KCTD14: variants seen among roughly 807,000 people sequenced by gnomAD.
The protein encoded by KCTD14 is potassium channel tetramerization domain containing 14.
Under a neutral mutation model 5.9 loss-of-function variants are expected in KCTD14, and 7 were observed. The ratio of observed to expected loss-of-function variants is 1.19; its 90% CI spans 0.68 to 2.23. KCTD14 has a LOEUF of 2.23. Among genes scored for constraint, KCTD14 ranks in the 30% most tolerant of loss-of-function variants. KCTD14 has a pLI of 0.00. For synonymous variants in KCTD14, 140 were observed against 133.1 expected (o/e 1.05, Z -0.36); for missense variants, 342 against 332.2 (o/e 1.03, Z -0.23).
chr11:78,042,211 A>G (rs1361048141), intron 1 of KCTD14, among the ~76,000 whole-genome samples: 1 of 152,216 alleles, frequency 6.6e-6, no homozygotes, highest in Non-Finnish European at 1.5e-5. Context: ...TTTCGTTCAT[A>G]GTTTAAATGA....
chr11:78,041,860 G>A (rs982220407), intron 1 of KCTD14, among the ~76,000 whole-genome samples: 1 of 152,166 alleles, frequency 6.6e-6, no homozygotes, highest in African/African-American at 2.4e-5. Context: ...CATCCTAATC[G>A]AGCTGAACAC....
chr11:78,016,642 C>A lies in KCTD14; in HGVS notation c.719G>T (p.Arg240Ile), dbSNP rs548249656. The A allele has an allele frequency of 6.2e-7, 1 of 1,614,176 alleles. No individual in the cohort carries two copies. The highest frequency in any genetic ancestry group is 8.5e-7 in the Non-Finnish European group (1 of 1,180,020). Residue 240 changes from arginine (R) to isoleucine (I), a missense_variant, in exon 2 of 2, where the codon AGA (arginine) becomes ATA (isoleucine). Physicochemically the swap from Arg to Ile is moderately conservative, Grantham distance 97 (BLOSUM62 -3). Coordinates refer to ENST00000353172, the MANE Select transcript of KCTD14 (RefSeq NM_023930.4). ...SKFYLTYPTK[R>I]NEFHFNIYSF... ...ATAAATGTTAAAATGGAATTCGTTT[C>A]TTTTGGTGGGGTACGTCAGGTAGAA...
chr11:78,038,175 G>A (rs1389477731), intron 2 of KCTD14, among the ~76,000 whole-genome samples: 21 of 152,104 alleles, frequency 1.4e-4, no homozygotes. Flanking sequence ...AGGACAGAAC[G>A]AAGTAGCCAA....
intron 2 of KCTD14, among the ~76,000 whole-genome samples, chr11:78,031,028 C>T (rs909340658): frequency 6.6e-6 from 1 of 151,122 alleles, no homozygotes; most frequent in East Asian, 1.9e-4. Context: ...TTCAGAATAA[C>T]GCTGATAGCA....
At chr11:78,042,997 G>C (rs1262752005) in intron 1 of KCTD14, among the ~76,000 whole-genome samples, 2 of 152,240 alleles carry the variant, frequency 1.3e-5, no homozygotes, top group Middle Eastern at 3.2e-3. Context: ...CTGCACACAT[G>C]GTTGACAAAG....
At chr11:78,021,610 G>A (rs949360862) in intron 1 of KCTD14, among the ~76,000 whole-genome samples, 1 of 152,030 alleles carries the variant, frequency 6.6e-6, no homozygotes, top group African/African-American at 2.4e-5. Flanking sequence ...ATACAGACAG[G>A]GTTTTGCCAT....
chr11:78,021,883 G>A (rs1481954715), intron 1 of KCTD14, among the ~76,000 whole-genome samples: 1 of 152,144 alleles, frequency 6.6e-6, no homozygotes, highest in Non-Finnish European at 1.5e-5. Context: ...TACCAGAACT[G>A]CCTGCTGCTC....
chr11:78,022,675 T>C (rs992602839), intron 1 of KCTD14, among the ~76,000 whole-genome samples: 16 of 151,708 alleles, frequency 1.1e-4, no homozygotes, highest in African/African-American at 3.1e-4. Context: ...GCAGAGGGAT[T>C]TGGGACCCAG....
At chr11:78,041,422 C>T (rs1857989728) in intron 1 of KCTD14, among the ~76,000 whole-genome samples, 1 of 152,190 alleles carries the variant, frequency 6.6e-6, no homozygotes, top group South Asian at 2.1e-4. Context: ...TACAACTTAG[C>T]TCACATGGGA....
chr11:78,032,965 T>G (rs776516877), intron 2 of KCTD14, among the ~76,000 whole-genome samples: 11 of 152,062 alleles, frequency 7.2e-5, no homozygotes, highest in Non-Finnish European at 1.6e-4. Context: ...TACAGGCCTA[T>G]CCCATGATGC....
chr11:78,038,698 AAC>A, exon 2 of KCTD14: 2 of 1,535,762 alleles, frequency 1.3e-6, no homozygotes, highest in Non-Finnish European at 1.7e-6. Flanking sequence ...CCCCACAGCA[AAC>A]ACAGCAGGGG....
In KCTD14 at chr11:78,016,673, A is replaced by G. The variant is rs775415457; in HGVS notation, c.688T>C (p.Ser230Pro). 14 of 1,614,056 alleles carry G rather than the reference A, an allele frequency of 8.7e-6. No individual in the cohort carries two copies. In the Admixed American group the frequency reaches 2.0e-4, roughly 23 times the overall value. The change falls in exon 2 of 2, where the codon TCC becomes CCC. Residue 230 changes from serine (S) to proline (P), a missense_variant. Ser to Pro is a moderately conservative substitution (Grantham distance 74). Coordinates refer to ENST00000353172, the MANE Select transcript of KCTD14 (RefSeq NM_023930.4). ...GTGGGGTACGTCAGGTAGAACTTGG[A>G]GAATACCTTGTACCCCTGGGCCTTA... is the stretch of plus-strand genomic sequence containing the variant. ...DIKAQGYKVF[S>P]KFYLTYPTKR...
In KCTD14 at chr11:78,016,662, G is replaced by A. The variant is rs1857172391; in HGVS notation, c.699C>T (p.Tyr233=). 6.2e-7 allele frequency: 1 copy of A among 1,614,172 alleles called. No individual in the cohort carries two copies. The highest frequency in any genetic ancestry group is 1.3e-5 in the African/African-American group (1 of 75,054). ...CGTTTCTTTTGGTGGGGTACGTCAG[G>A]TAGAACTTGGAGAATACCTTGTACC... ...AQGYKVFSKF[Y]LTYPTKRNEF... is the part of the protein sequence containing the mutation. The change falls in exon 2 of 2, where the codon TAC becomes TAT. Residue 233 remains tyrosine, a synonymous_variant. Coordinates refer to ENST00000353172, the MANE Select transcript of KCTD14 (RefSeq NM_023930.4).
chr11:78,032,703 C>CTTTTT (rs35820886), intron 2 of KCTD14, among the ~76,000 whole-genome samples: 3 of 123,542 alleles, frequency 2.4e-5, no homozygotes, highest in Non-Finnish European at 4.9e-5. Flanking sequence ...TGATCTACTT[C>CTTTTT]TTTTTTTTTT....
chr11:78,039,024 A>T (rs1469343029), intron 1 of KCTD14, among the ~76,000 whole-genome samples: 1 of 150,116 alleles, frequency 6.7e-6, no homozygotes, highest in Non-Finnish European at 1.5e-5. Flanking sequence ...AGAAGGGAGA[A>T]TATGGGGCTA....
chr11:78,038,515 A>G (rs1032132966), intron 2 of KCTD14: 2 of 853,422 alleles, frequency 2.3e-6, no homozygotes, highest in African/African-American at 3.4e-5. Context: ...GTTCCTGGAG[A>G]GGAATCAACC....
intron 1 of KCTD14, among the ~76,000 whole-genome samples, chr11:78,020,022 C>G (rs1379456463): frequency 6.6e-6 from 1 of 152,190 alleles, no homozygotes; most frequent in African/African-American, 2.4e-5. Flanking sequence ...TTGTGCCAAA[C>G]AGAAGAACAG....
intron 1 of KCTD14, among the ~76,000 whole-genome samples, chr11:78,021,139 C>T (rs1049735174): frequency 6.6e-6 from 1 of 151,740 alleles, no homozygotes; most frequent in African/African-American, 2.4e-5. Flanking sequence ...CCTATCTCTA[C>T]TAAAAATACA....
At chr11:78,040,916 C>T (rs527746718) in intron 1 of KCTD14, among the ~76,000 whole-genome samples, 31 of 152,256 alleles carry the variant, frequency 2.0e-4, no homozygotes, top group Middle Eastern at 3.4e-3. Flanking sequence ...GTGACCCGCC[C>T]GCCTCAACCT....
Sources: allele counts gnomAD v4.1 joint callset (sites outside exome capture counted in the v4.1 genomes callset), GRCh38; gene constraint gnomAD v4.1.1; transcripts MANE v1.5; gene names NCBI Gene and HGNC (gene_info 2026-07-23, HGNC 2026-07-21).